ADARB2: variants seen among roughly 807,000 people sequenced by gnomAD.
ADARB2 encodes inactive double-stranded RNA-specific editase B2.
Under a neutral mutation model 62.2 loss-of-function variants are expected in ADARB2, and 25 were observed. That is an observed-to-expected ratio of 0.40 (90% CI 0.29 to 0.56). ADARB2 has a LOEUF of 0.56. ADARB2 is among the 20% of genes least tolerant of loss of function. The probability of loss-of-function intolerance (pLI) is 0.43; values close to 1 mark genes in which losing one functional copy is unlikely to be tolerated. For missense variants in ADARB2, 1,071 were observed against 1,077.4 expected (o/e 0.99, Z 0.08); for synonymous variants, 572 against 500.8 (o/e 1.14, Z -1.90).
chr10:1,676,745 A>G lies in ADARB2; in HGVS notation c.100+60306T>C, dbSNP rs1398537335. Among the ~76,000 whole-genome samples, 4 of 151,830 alleles carry G rather than the reference A, an allele frequency of 2.6e-5. No individual in the cohort carries two copies. The South Asian group carries it at 8.4e-4, about 32-fold the overall frequency. ...TTTAGGTGATTGTTTAAAAACTTCCAAAGACCCTACTTCCACGGACACTCG... is the reference window on the plus strand; with the variant it reads ...TTTAGGTGATTGTTTAAAAACTTCCGAAGACCCTACTTCCACGGACACTCG... On this transcript the variant is annotated intron_variant, in intron 1 of 9. Transcript: ENST00000381312.
At chr10:1,285,287 G>A (rs747704088) in intron 3 of ADARB2, among the ~76,000 whole-genome samples, 30 of 152,172 alleles carry the variant, frequency 2.0e-4, no homozygotes, top group Non-Finnish European at 3.8e-4. Flanking sequence ...AGCTCACACC[G>A]TGGGGAAACG....
At chr10:1,521,956 G>A (rs568213983) in intron 1 of ADARB2, among the ~76,000 whole-genome samples, 67 of 152,276 alleles carry the variant, frequency 4.4e-4, no homozygotes, top group African/African-American at 1.3e-3. Flanking sequence ...GGGCTGTGTC[G>A]TGGGCCGGGT....
intron 5 of ADARB2, among the ~76,000 whole-genome samples, chr10:1,234,378 G>A (rs1022885785): frequency 1.1e-4 from 17 of 152,100 alleles, no homozygotes; most frequent in Non-Finnish European, 2.4e-4. Flanking sequence ...ACGTGAATGC[G>A]AACATGACTG....
At chr10:1,669,379 T>C (rs1588345712) in intron 1 of ADARB2, among the ~76,000 whole-genome samples, 5 of 152,120 alleles carry the variant, frequency 3.3e-5, no homozygotes, top group Admixed American at 2.0e-4. Flanking sequence ...CCACCTGCCT[T>C]GTGTGAAAGC....
intron 1 of ADARB2, among the ~76,000 whole-genome samples, chr10:1,688,933 T>C (rs921393967): frequency 6.6e-6 from 1 of 152,214 alleles, no homozygotes; most frequent in Admixed American, 6.5e-5. Context: ...TCACAAAGAA[T>C]ACAATTATAT....
rs1362793918 is a variant in ADARB2 at position 1,416,562 on chromosome 10, G to A, written c.101-37402C>T. ...TGGATGGGCCGTGGGGAGAGCTAGAGCAGGTAACTGGCTGGGATCCAGGAA... is the reference window on the plus strand; with the variant it reads ...TGGATGGGCCGTGGGGAGAGCTAGAACAGGTAACTGGCTGGGATCCAGGAA... On this transcript the variant is annotated intron_variant, in intron 1 of 9. Transcript: ENST00000381312. Among the ~76,000 whole-genome samples, 4 of 152,380 alleles carry A rather than the reference G, an allele frequency of 2.6e-5. No individual in the cohort carries two copies. The East Asian group carries it at 5.8e-4, about 22-fold the overall frequency.
At chr10:1,472,663 G>A (rs532308439) in intron 1 of ADARB2, among the ~76,000 whole-genome samples, 1 of 152,200 alleles carries the variant, frequency 6.6e-6, no homozygotes, top group Non-Finnish European at 1.5e-5. Flanking sequence ...AAATCGGTCC[G>A]GCACAACCTC....
At chr10:1,336,234 G>A (rs7093410) in intron 3 of ADARB2, among the ~76,000 whole-genome samples, 1 of 152,156 alleles carries the variant, frequency 6.6e-6, no homozygotes, top group African/African-American at 2.4e-5. Context: ...GCAATAATTG[G>A]ATGACTCTTT....
chr10:1,331,808 C>G (rs1417345853), intron 3 of ADARB2, among the ~76,000 whole-genome samples: 1 of 152,026 alleles, frequency 6.6e-6, no homozygotes, highest in African/African-American at 2.4e-5. Flanking sequence ...TTTCCTTTAC[C>G]TCAGTGAATC....
intron 1 of ADARB2, among the ~76,000 whole-genome samples, chr10:1,730,743 A>G (rs1441733602): frequency 5.9e-5 from 9 of 152,160 alleles, no homozygotes; most frequent in Admixed American, 4.6e-4. Flanking sequence ...TAAATATGGA[A>G]TTTAGATGAT....
chr10:1,398,860 T>G lies in ADARB2; in HGVS notation c.101-19700A>C, dbSNP rs949287560. Among the ~76,000 whole-genome samples, 1 of 152,086 alleles carries G rather than the reference T, an allele frequency of 6.6e-6. No homozygotes were observed. Among genetic ancestry groups the G allele is most frequent in the Admixed American group, 6.5e-5 (1 of 15,274 alleles). On this transcript the variant is annotated intron_variant, in intron 1 of 9. Transcript: ENST00000381312. This position sits in a 1 kb window ranked among gnomAD's most constrained non-coding sequence, Gnocchi z 4.1. ...AGCAGCGCAGCCTGCACGAGGTTGCTGGGGGAAACAGACCGCTCTGTCTTT... is the reference window on the plus strand; with the variant it reads ...AGCAGCGCAGCCTGCACGAGGTTGCGGGGGGAAACAGACCGCTCTGTCTTT...
At chr10:1,353,794 C>T (rs1832168348) in intron 3 of ADARB2, among the ~76,000 whole-genome samples, 4 of 152,164 alleles carry the variant, frequency 2.6e-5, no homozygotes, top group African/African-American at 9.7e-5. Flanking sequence ...GTATAACAGA[C>T]AAGCCCTCTA....
chr10:1,572,631 C>G (rs1318841368), intron 1 of ADARB2, among the ~76,000 whole-genome samples: 1 of 151,730 alleles, frequency 6.6e-6, no homozygotes, highest in Non-Finnish European at 1.5e-5. Context: ...GTGGGCAGAA[C>G]TTGGCATAAT....
chr10:1,502,750 T>C (rs1831781879), intron 1 of ADARB2, among the ~76,000 whole-genome samples: 1 of 152,362 alleles, frequency 6.6e-6, no homozygotes, highest in East Asian at 1.9e-4. Flanking sequence ...GTTACTTTAA[T>C]CTTTATTTGT....
chr10:1,724,499 C>T (rs1835137707), intron 1 of ADARB2, among the ~76,000 whole-genome samples: 1 of 152,166 alleles, frequency 6.6e-6, no homozygotes, highest in African/African-American at 2.4e-5. Flanking sequence ...TCCCCCAAAC[C>T]CCAGCAGCCT....
At chr10:1,225,197 C>G (rs896895589) in intron 6 of ADARB2, among the ~76,000 whole-genome samples, 2 of 151,994 alleles carry the variant, frequency 1.3e-5, no homozygotes, top group Non-Finnish European at 2.9e-5. Context: ...TTTTGATCTT[C>G]GTTGGTTTAA....
intron 1 of ADARB2, among the ~76,000 whole-genome samples, chr10:1,480,081 G>A (rs1206461982): frequency 2.6e-5 from 4 of 151,872 alleles, no homozygotes; most frequent in Non-Finnish European, 5.9e-5. Context: ...AACCTACAGC[G>A]AAAATTGTAC....
chr10:1,556,690 C>T (rs376154198), intron 1 of ADARB2: 15 of 534,336 alleles, frequency 2.8e-5, no homozygotes, highest in Non-Finnish European at 5.4e-5. Flanking sequence ...CTCAGCAAAC[C>T]GGGACCAGAG....
intron 1 of ADARB2, among the ~76,000 whole-genome samples, chr10:1,577,933 G>A (rs945971443): frequency 5.9e-5 from 9 of 152,222 alleles, no homozygotes; most frequent in Non-Finnish European, 8.8e-5. Context: ...ACAACCCTGT[G>A]AGGACACAGG....
Sources: allele counts gnomAD v4.1 joint callset (sites outside exome capture counted in the v4.1 genomes callset), GRCh38; gene constraint gnomAD v4.1.1; non-coding constraint Gnocchi (gnomAD v3.1); transcripts MANE v1.5; gene names NCBI Gene and HGNC (gene_info 2026-07-23, HGNC 2026-07-21).